Variants in SLC25A21 observed in about 807,000 individuals in gnomAD.
SLC25A21 encodes the protein solute carrier family 25 member 21, also known as mitochondrial 2-oxodicarboxylate carrier.
In SLC25A21, 47 loss-of-function variants were observed where a neutral mutation model predicts 43.8. The observed-to-expected ratio is 1.07, with a 90% CI of 0.85 to 1.37. The LOEUF (loss-of-function observed/expected upper bound fraction) is 1.37. Among genes scored for constraint, SLC25A21 ranks in the 40% most tolerant of loss-of-function variants. SLC25A21 has a pLI of 0.00. For synonymous variants in SLC25A21, 131 were observed against 121.3 expected (o/e 1.08, Z -0.52); for missense variants, 352 against 350.2 (o/e 1.00, Z -0.04).
intron 1 of SLC25A21, among the ~76,000 whole-genome samples, chr14:37,122,911 A>G (rs1963234373): frequency 6.6e-6 from 1 of 152,216 alleles, no homozygotes; most frequent in South Asian, 2.1e-4. Flanking sequence ...TATGTTTATA[A>G]ATATAGGTCT....
At chr14:36,689,929 G>C (rs894930708) in intron 7 of SLC25A21, among the ~76,000 whole-genome samples, 1 of 152,200 alleles carries the variant, frequency 6.6e-6, no homozygotes, top group Non-Finnish European at 1.5e-5. Flanking sequence ...ACCCTAAGGG[G>C]CTCTGGCTGT....
chr14:36,895,009 G>T (rs1253490157), intron 1 of SLC25A21, among the ~76,000 whole-genome samples: 3 of 151,940 alleles, frequency 2.0e-5, no homozygotes, highest in Non-Finnish European at 4.4e-5. Flanking sequence ...CTCTTTTTTG[G>T]TTGTGTCTCT....
chr14:36,779,191 AAT>A (rs966948850), intron 3 of SLC25A21, among the ~76,000 whole-genome samples: 1 of 146,870 alleles, frequency 6.8e-6, no homozygotes, highest in Admixed American at 6.8e-5. Flanking sequence ...CTTTATATAT[AAT>A]ATATATATAA....
At chr14:37,012,758 C>G (rs1316764895) in intron 1 of SLC25A21, among the ~76,000 whole-genome samples, 1 of 152,128 alleles carries the variant, frequency 6.6e-6, no homozygotes, top group Non-Finnish European at 1.5e-5. Flanking sequence ...CATAATAGAT[C>G]AAACACTTAG....
chr14:37,023,620 T>C (rs1961032979), intron 1 of SLC25A21, among the ~76,000 whole-genome samples: 1 of 152,036 alleles, frequency 6.6e-6, no homozygotes, highest in African/African-American at 2.4e-5. Flanking sequence ...TCCAAGAGCC[T>C]CATTCCCTAC....
At chr14:36,971,771 G>A (rs1421509759) in intron 1 of SLC25A21, among the ~76,000 whole-genome samples, 2 of 152,064 alleles carry the variant, frequency 1.3e-5, no homozygotes, top group African/African-American at 2.4e-5. Flanking sequence ...CAATGATGCC[G>A]CTTCATATGC....
intron 1 of SLC25A21, among the ~76,000 whole-genome samples, chr14:37,154,514 A>T (rs1045950118): frequency 1.4e-4 from 22 of 152,258 alleles, no homozygotes; most frequent in African/African-American, 4.8e-4. Flanking sequence ...ATTCTCCAGT[A>T]ACAGTTCTTA....
intron 2 of SLC25A21, among the ~76,000 whole-genome samples, chr14:36,853,112 A>G (rs576341082): frequency 4.6e-5 from 7 of 152,210 alleles, no homozygotes; most frequent in Admixed American, 3.9e-4. Context: ...CACTAAGACC[A>G]AAACAACAAC....
At chr14:36,794,761 T>C (rs1250396406) in intron 3 of SLC25A21, among the ~76,000 whole-genome samples, 11 of 139,730 alleles carry the variant, frequency 7.9e-5, no homozygotes, top group Admixed American at 4.9e-4. Flanking sequence ...AGAGCAAGAC[T>C]CCATTTAAAA....
At chr14:37,170,902 T>C (rs1001347081) in intron 1 of SLC25A21, among the ~76,000 whole-genome samples, 4 of 145,588 alleles carry the variant, frequency 2.7e-5, no homozygotes, top group African/African-American at 1.0e-4. Flanking sequence ...CTGGGCAACA[T>C]GGCGAAAGCC....
intron 6 of SLC25A21, among the ~76,000 whole-genome samples, chr14:36,714,078 T>A (rs1196012829): frequency 6.6e-6 from 1 of 152,238 alleles, no homozygotes; most frequent in African/African-American, 2.4e-5. Context: ...GTCAATGAAC[T>A]TAGTCCACTG....
At chr14:36,805,231 T>C (rs995248151) in intron 3 of SLC25A21, among the ~76,000 whole-genome samples, 1 of 152,190 alleles carries the variant, frequency 6.6e-6, no homozygotes, top group African/African-American at 2.4e-5. Flanking sequence ...TTTCACTTAC[T>C]CTTTGGCAAC....
At chr14:36,731,139 A>AT (rs1479322369) in intron 4 of SLC25A21, among the ~76,000 whole-genome samples, 3 of 151,878 alleles carry the variant, frequency 2.0e-5, no homozygotes, top group Non-Finnish European at 2.9e-5. Flanking sequence ...CGCCCGGCTA[A>AT]TTTTTTTGTA....
chr14:37,056,573 A>G (rs1961835083), intron 1 of SLC25A21, among the ~76,000 whole-genome samples: 1 of 151,334 alleles, frequency 6.6e-6, no homozygotes, highest in Admixed American at 6.6e-5. Context: ...AGACACACAC[A>G]TCTCCATATT....
chr14:36,984,904 T>C (rs1168444854), intron 1 of SLC25A21, among the ~76,000 whole-genome samples: 1 of 151,234 alleles, frequency 6.6e-6, no homozygotes, highest in Non-Finnish European at 1.5e-5. Context: ...TTATTCACAA[T>C]AGCAAAGACT....
chr14:36,712,199 C>A (rs980304619), intron 6 of SLC25A21, among the ~76,000 whole-genome samples: 11 of 152,042 alleles, frequency 7.2e-5, no homozygotes, highest in Admixed American at 7.2e-4. Context: ...CTGCTGTTAC[C>A]CTGAGATTTA....
chr14:36,754,158 G>A (rs559787456), intron 3 of SLC25A21, among the ~76,000 whole-genome samples: 2 of 152,136 alleles, frequency 1.3e-5, no homozygotes, highest in Non-Finnish European at 2.9e-5. Flanking sequence ...TTGGGTGAGA[G>A]TAACATTTAA....
At chr14:36,859,907 A>G (rs2138529607) in intron 2 of SLC25A21, among the ~76,000 whole-genome samples, 1 of 152,288 alleles carries the variant, frequency 6.6e-6, no homozygotes, top group South Asian at 2.1e-4. Flanking sequence ...TTTTTAAATG[A>G]CATTTATTCA....
rs17106333 is a variant in SLC25A21 at position 37,113,275 on chromosome 14, C to T, written c.70+59006G>A. Among the ~76,000 whole-genome samples, 2,416 of 152,224 alleles carry T rather than the reference C, an allele frequency of 0.016. 181 individuals carry two copies. In the East Asian group the frequency reaches 0.26, roughly 16 times the overall value. ...TTTCCTATCATACAAACATCTCTACCTTGCTATTTTGCTTAGCAGGATGGA... is the reference window on the plus strand; with the variant it reads ...TTTCCTATCATACAAACATCTCTACTTTGCTATTTTGCTTAGCAGGATGGA... On this transcript the variant is annotated intron_variant, in intron 1 of 9. Coordinates refer to ENST00000331299, the MANE Select transcript of SLC25A21 (RefSeq NM_030631.4).
Sources: gnomAD v4.1 joint callset for allele counts (sites outside exome capture counted in the v4.1 genomes callset) on GRCh38, gnomAD v4.1.1 for gene constraint, MANE v1.5 for transcripts, NCBI Gene and HGNC (gene_info 2026-07-23, HGNC 2026-07-21) for gene names.